The following ATG5 variants were observed in gnomAD, a reference collection of about 807,000 sequenced individuals.
The protein encoded by ATG5 is autophagy related 5.
A neutral mutation model predicts 36.5 loss-of-function variants in ATG5; 14 were observed. That is an observed-to-expected ratio of 0.38 (90% CI 0.25 to 0.60). The LOEUF (loss-of-function observed/expected upper bound fraction) is 0.60. Among genes scored for constraint, ATG5 ranks in the 20% least tolerant of loss-of-function variants. The pLI is 0.60. For missense variants in ATG5, 195 were observed against 326.7 expected (o/e 0.60, Z 3.11); for synonymous variants, 95 against 101.5 (o/e 0.94, Z 0.38).
intron 6 of ATG5, among the ~76,000 whole-genome samples, chr6:106,228,475 G>A (rs971482003): frequency 1.3e-5 from 2 of 152,116 alleles, no homozygotes; most frequent in African/African-American, 2.4e-5. Context: ...TCTGTGACCC[G>A]TGGCTTCTAA....
intron 7 of ATG5, among the ~76,000 whole-genome samples, chr6:106,197,191 T>A (rs983847635): frequency 1.3e-5 from 2 of 152,136 alleles, no homozygotes; most frequent in African/African-American, 4.8e-5. Flanking sequence ...TTTTAAAAAG[T>A]AGATTGTCGA....
intron 1 of ATG5, among the ~76,000 whole-genome samples, chr6:106,319,358 A>G (rs1770978136): frequency 6.6e-6 from 1 of 152,208 alleles, no homozygotes; most frequent in African/African-American, 2.4e-5. Flanking sequence ...TTTTGCAGTA[A>G]ACACTGCTAA....
chr6:106,220,897 T>TAGA (rs1402974855), intron 6 of ATG5, among the ~76,000 whole-genome samples: 1 of 152,252 alleles, frequency 6.6e-6, no homozygotes, highest in East Asian at 1.9e-4. Context: ...CGACATTCTC[T>TAGA]ATGATGGAAA....
intron 2 of ATG5, among the ~76,000 whole-genome samples, chr6:106,309,401 C>T (rs946246387): frequency 5.9e-5 from 9 of 151,952 alleles, no homozygotes; most frequent in African/African-American, 1.7e-4. Flanking sequence ...GGTAGGAGAA[C>T]GTGACATTGA....
At chr6:106,258,197 C>G (rs1341975013) in intron 5 of ATG5, among the ~76,000 whole-genome samples, 1 of 150,546 alleles carries the variant, frequency 6.6e-6, no homozygotes, top group Non-Finnish European at 1.5e-5. Flanking sequence ...AGGTAGATCC[C>G]GTCTCTAACA....
intron 6 of ATG5, among the ~76,000 whole-genome samples, chr6:106,229,113 A>T (rs184536273): frequency 9.5e-4 from 145 of 152,324 alleles, no homozygotes; most frequent in African/African-American, 3.3e-3. Flanking sequence ...CTTACCTCTG[A>T]ATCTACTTCC....
At chr6:106,223,448 T>C (rs1777327447) in intron 6 of ATG5, among the ~76,000 whole-genome samples, 2 of 152,204 alleles carry the variant, frequency 1.3e-5, no homozygotes, top group Admixed American at 6.5e-5. Flanking sequence ...TAAGCCTAAA[T>C]TGCCTAAGTC....
chr6:106,250,338 A>G (rs1257603100), intron 5 of ATG5, among the ~76,000 whole-genome samples: 3 of 152,142 alleles, frequency 2.0e-5, no homozygotes, highest in Admixed American at 6.5e-5. Context: ...TTCAACTCCA[A>G]TGTGAAGGAA....
At chr6:106,189,448 A>G (rs567582711) in intron 7 of ATG5, among the ~76,000 whole-genome samples, 29 of 152,046 alleles carry the variant, frequency 1.9e-4, no homozygotes, top group Non-Finnish European at 3.8e-4. Context: ...AAAATAAAAA[A>G]ACTCAACCAA....
At position 106,202,340 on chromosome 6, in the gene ATG5, T is replaced by C. The variant is rs1391926792; in HGVS notation, c.574-251A>G. ...TTCTAAAGATAATTGGCTGGGACCC[T>C]TCAAAAACTTAAAGACATTAAAAAG... is the stretch of plus-strand genomic sequence containing the variant. On this transcript the variant is annotated intron_variant, in intron 6 of 7. Transcript: ENST00000369076. The C allele has an allele frequency of 1.2e-5, 4 of 327,396 alleles. No individual in the cohort carries two copies. The East Asian group carries it at 2.2e-4, about 18-fold the overall frequency. 20.3% of individuals were successfully genotyped at this position (327,396 alleles called of 1,614,324 possible).
chr6:106,270,156 T>C (rs1264923569), intron 5 of ATG5, among the ~76,000 whole-genome samples: 1 of 152,164 alleles, frequency 6.6e-6, no homozygotes, highest in Non-Finnish European at 1.5e-5. Flanking sequence ...CTTAGCAAAT[T>C]TTTTACTGCT....
intron 5 of ATG5, among the ~76,000 whole-genome samples, chr6:106,270,352 T>C (rs1424019839): frequency 6.6e-6 from 1 of 152,202 alleles, no homozygotes; most frequent in African/African-American, 2.4e-5. Context: ...TCTCACGAAG[T>C]TGTAGATTCT....
chr6:106,200,458 T>A (rs1776377986), intron 7 of ATG5, among the ~76,000 whole-genome samples: 1 of 151,882 alleles, frequency 6.6e-6, no homozygotes, highest in Admixed American at 6.6e-5. Flanking sequence ...TTCTATTATA[T>A]AATAAATACA....
At chr6:106,228,228 T>C (rs1029529205) in intron 6 of ATG5, among the ~76,000 whole-genome samples, 6 of 152,204 alleles carry the variant, frequency 3.9e-5, no homozygotes, top group Non-Finnish European at 4.4e-5. Context: ...CCGTGTTTGT[T>C]ACGGCTCGAG....
rs72945523 is a variant in ATG5 at position 106,261,375 on chromosome 6, C to G, written c.479-13131G>C. Among the ~76,000 whole-genome samples the G allele has an allele frequency of 8.4e-3, 1,277 of 152,332 alleles. 7 individuals are homozygous for G. The highest frequency in any genetic ancestry group is 0.023 in the South Asian group (109 of 4,834). ...AAACAGTTCACACCTACAATCCCAG[C>G]TAAATCCCTTTGTTTAAAAAAGAAT... On this transcript the variant is annotated intron_variant, in intron 5 of 7. Coordinates refer to ENST00000369076, the MANE Select transcript of ATG5 (RefSeq NM_004849.4).
intron 5 of ATG5, among the ~76,000 whole-genome samples, chr6:106,266,523 C>T (rs1357953699): frequency 1.3e-5 from 2 of 152,150 alleles, no homozygotes; most frequent in African/African-American, 4.8e-5. Flanking sequence ...TTTTATGATA[C>T]CAAAACCTGG....
intron 5 of ATG5, among the ~76,000 whole-genome samples, chr6:106,272,260 A>T (rs563672091): frequency 6.6e-6 from 1 of 152,326 alleles, no homozygotes; most frequent in South Asian, 2.1e-4. Context: ...GGGATGTCTT[A>T]AAAAGGGAAA....
At chr6:106,239,087 GAAA>G (rs1778006382) in intron 6 of ATG5, among the ~76,000 whole-genome samples, 1 of 151,548 alleles carries the variant, frequency 6.6e-6, no homozygotes, top group African/African-American at 2.4e-5. Context: ...AACAAACACA[GAAA>G]AGTCTACTAG....
At chr6:106,277,360 G>C (rs1377566060) in intron 5 of ATG5, among the ~76,000 whole-genome samples, 1 of 152,228 alleles carries the variant, frequency 6.6e-6, no homozygotes, top group African/African-American at 2.4e-5. Flanking sequence ...GGAATTACAG[G>C]ACATGCCCTC....
Sources: allele counts gnomAD v4.1 joint callset (sites outside exome capture counted in the v4.1 genomes callset), GRCh38; gene constraint gnomAD v4.1.1; transcripts MANE v1.5; gene names NCBI Gene and HGNC (gene_info 2026-07-23, HGNC 2026-07-21).